SLC24A2: variants seen among roughly 807,000 people sequenced by gnomAD.
The protein encoded by SLC24A2 is solute carrier family 24 member 2.
A neutral mutation model predicts 62.0 loss-of-function variants in SLC24A2; 36 were observed. The ratio of observed to expected loss-of-function variants is 0.58; its 90% CI spans 0.44 to 0.77. The LOEUF is 0.77. SLC24A2 is among the 30% of genes least tolerant of loss of function. The pLI, the probability that SLC24A2 is intolerant of heterozygous loss-of-function variation, is 0.00. For synonymous variants in SLC24A2, 358 were observed against 294.0 expected, an observed-to-expected ratio of 1.22 and a Z score of -2.23; for missense variants, 846 against 817.9, an observed-to-expected ratio of 1.03 and a Z score of -0.42.
At chr9:20,250,844 G>A in the SLC24A2 span, among the ~76,000 whole-genome samples, 1 of 152,172 alleles carries the variant, frequency 6.6e-6, no homozygotes, top group African/African-American at 2.4e-5. Context: ...CCATCAGTTT[G>A]CAACCTTAAC....
chr9:20,279,315 G>C, the SLC24A2 span, among the ~76,000 whole-genome samples: 1 of 152,126 alleles, frequency 6.6e-6, no homozygotes, highest in Non-Finnish European at 1.5e-5. Flanking sequence ...TGGATCACCT[G>C]AGGTCAGGAG....
chr9:19,955,430 T>C, the SLC24A2 span, among the ~76,000 whole-genome samples: 2 of 151,792 alleles, frequency 1.3e-5, no homozygotes, highest in Admixed American at 6.6e-5. Context: ...AGGGTTTTTG[T>C]TGCCAAAACA....
rs549811493 is a variant in SLC24A2 at position 19,532,139 on chromosome 9, A to G, written c.1480-4001T>C. ...CTGTTGTTGCCCAGGCTGGAGTGCA[A>G]TGGTGCAATCTTGGCTCACCATAAC... is the stretch of plus-strand genomic sequence containing the variant. On this transcript the variant is annotated intron_variant, in intron 8 of 10. Transcript: ENST00000341998. Among the ~76,000 whole-genome samples, 258 of 152,192 alleles carry G rather than the reference A, an allele frequency of 1.7e-3. 1 individual carries two copies. Among genetic ancestry groups the G allele is most frequent in the South Asian group, 3.3e-3 (16 of 4,820 alleles).
chr9:20,162,748 C>T, the SLC24A2 span, among the ~76,000 whole-genome samples: 3 of 151,966 alleles, frequency 2.0e-5, no homozygotes, highest in African/African-American at 4.8e-5. Context: ...ACTGGAAAAC[C>T]GAATCCAGCA....
chr9:19,934,354 C>T, the SLC24A2 span, among the ~76,000 whole-genome samples: 1 of 152,180 alleles, frequency 6.6e-6, no homozygotes, highest in Non-Finnish European at 1.5e-5. This position sits in a 1 kb window ranked among gnomAD's most constrained non-coding sequence, Gnocchi z 4.1. Context: ...CATGTCTCAG[C>T]GTCGGTTTTC....
the SLC24A2 span, among the ~76,000 whole-genome samples, chr9:20,150,263 C>T: frequency 2.0e-5 from 3 of 151,912 alleles, no homozygotes; most frequent in African/African-American, 7.2e-5. Context: ...TTATTACAGA[C>T]TATGATCAGA....
the SLC24A2 span, among the ~76,000 whole-genome samples, chr9:20,261,044 C>T: frequency 2.9e-3 from 436 of 151,598 alleles, no homozygotes; most frequent in Non-Finnish European, 4.6e-3. Flanking sequence ...TTAGTAGAGA[C>T]GGGGTTTCAC....
chr9:20,269,058 T>C, the SLC24A2 span, among the ~76,000 whole-genome samples: 1 of 152,230 alleles, frequency 6.6e-6, no homozygotes, highest in African/African-American at 2.4e-5. Flanking sequence ...CAATATTTCC[T>C]GCTTTGACAA....
the SLC24A2 span, among the ~76,000 whole-genome samples, chr9:20,148,885 T>C: frequency 2.0e-5 from 3 of 152,072 alleles, no homozygotes; most frequent in South Asian, 4.1e-4. Context: ...TAAATGCTTA[T>C]GAAACGTCTA....
the SLC24A2 span, among the ~76,000 whole-genome samples, chr9:20,189,901 G>A: frequency 6.6e-6 from 1 of 152,144 alleles, no homozygotes; most frequent in Admixed American, 6.5e-5. Context: ...TACCTGCCTG[G>A]AGCAGCATTC....
intron 2 of SLC24A2, among the ~76,000 whole-genome samples, chr9:19,762,418 C>A (rs1822365477): frequency 6.6e-6 from 1 of 152,190 alleles, no homozygotes; most frequent in African/African-American, 2.4e-5. Context: ...CCTAGGTTTT[C>A]TTCTAGGGTT....
chr9:19,705,672 GC>G (rs1412943125), intron 2 of SLC24A2: 7 of 203,038 alleles, frequency 3.4e-5, no homozygotes, highest in African/African-American at 1.6e-4. Flanking sequence ...CTTTATTTCT[GC>G]CTTCATTTCG....
chr9:20,190,023 G>T, the SLC24A2 span, among the ~76,000 whole-genome samples: 6 of 152,148 alleles, frequency 3.9e-5, no homozygotes, highest in Admixed American at 6.5e-5. Context: ...TTAATTCCCG[G>T]CACCCCACTG....
chr9:19,636,305 T>TTTTCCTTTCTTTC, intron 2 of SLC24A2, among the ~76,000 whole-genome samples: 1 of 44,884 alleles, frequency 2.2e-5, no homozygotes, highest in Non-Finnish European at 4.4e-5. Flanking sequence ...TTTTCTTTTC[T>TTTTCCTTTCTTTC]TTTCTTTTCT....
chr9:19,884,431 A>G, the SLC24A2 span, among the ~76,000 whole-genome samples: 2 of 152,188 alleles, frequency 1.3e-5, no homozygotes, highest in African/African-American at 4.8e-5. Context: ...ACACTGTTGT[A>G]TAGTTGAAAA....
intron 2 of SLC24A2, among the ~76,000 whole-genome samples, chr9:19,667,814 C>T (rs902286574): frequency 2.0e-5 from 3 of 152,158 alleles, no homozygotes; most frequent in Admixed American, 6.5e-5. Context: ...TCAACAATAC[C>T]GTGCTGCTCC....
At chr9:19,869,208 T>C in the SLC24A2 span, among the ~76,000 whole-genome samples, 1 of 152,196 alleles carries the variant, frequency 6.6e-6, no homozygotes, top group Non-Finnish European at 1.5e-5. Flanking sequence ...CTCAAACTCC[T>C]AGGCTCAAGC....
chr9:19,761,008 C>T (rs1182018555), intron 2 of SLC24A2, among the ~76,000 whole-genome samples: 2 of 151,966 alleles, frequency 1.3e-5, no homozygotes, highest in Admixed American at 1.3e-4. Context: ...CACATGTATA[C>T]GTATGTAACA....
At chr9:20,211,255 G>A in the SLC24A2 span, among the ~76,000 whole-genome samples, 1 of 152,166 alleles carries the variant, frequency 6.6e-6, no homozygotes, top group Non-Finnish European at 1.5e-5. Flanking sequence ...GCTCACACCT[G>A]TAATCCTAGC....
Sources: allele counts gnomAD v4.1 joint callset (sites outside exome capture counted in the v4.1 genomes callset), GRCh38; gene constraint gnomAD v4.1.1; non-coding constraint Gnocchi (gnomAD v3.1); transcripts MANE v1.5; gene names NCBI Gene and HGNC (gene_info 2026-07-23, HGNC 2026-07-21).